The following ZNF385D variants were observed in gnomAD, a reference collection of about 807,000 sequenced individuals.
ZNF385D encodes zinc finger protein 385D, also known as zinc finger protein 659.
In ZNF385D, 15 loss-of-function variants were observed where a neutral mutation model predicts 35.8. That is an observed-to-expected ratio of 0.42 (90% CI 0.28 to 0.64). The LOEUF is 0.64. ZNF385D is among the 30% of genes least tolerant of loss of function. ZNF385D has a pLI of 0.23. For synonymous variants in ZNF385D, 212 were observed against 186.8 expected, an observed-to-expected ratio of 1.13 and a Z score of -1.10; for missense variants, 474 against 494.6, an observed-to-expected ratio of 0.96 and a Z score of 0.39.
At chr3:21,875,253 T>A (rs76684440) in intron 3 of ZNF385D, among the ~76,000 whole-genome samples, 229 of 151,886 alleles carry the variant, frequency 1.5e-3, no homozygotes, top group South Asian at 0.012. Context: ...TTCTTTTTTT[T>A]AACCTAATTT....
At chr3:21,427,896 A>G (rs1701093345) in intron 5 of ZNF385D, among the ~76,000 whole-genome samples, 1 of 152,096 alleles carries the variant, frequency 6.6e-6, no homozygotes, top group East Asian at 1.9e-4. Flanking sequence ...ATGCACACAC[A>G]CACAGGTATA....
At chr3:21,792,979 C>T (rs2071992006) in intron 3 of ZNF385D, among the ~76,000 whole-genome samples, 1 of 152,134 alleles carries the variant, frequency 6.6e-6, no homozygotes, top group Admixed American at 6.5e-5. Context: ...AATGTGCCTA[C>T]ATAATGCAAA....
rs1215771490 is a variant in ZNF385D, at chr3:21,418,106, A to C, written c.*3108T>G. 6.6e-6 allele frequency: 1 copy of C among 152,162 alleles called. No homozygotes were observed. The highest frequency in any genetic ancestry group is 1.5e-5 in the Non-Finnish European group (1 of 68,004). The allele number at this position is 152,162 out of a possible 1,614,324, so 9.4% of individuals were successfully genotyped here. On this transcript the variant is annotated 3_prime_UTR_variant, in exon 8 of 8. Transcript: ENST00000281523. ...CTGGACGATCTGATTGAGGTGCAAC[A>C]ATGCTTTTTCCAGAGGCATTTGGCT... is the stretch of plus-strand genomic sequence containing the variant.
intron 2 of ZNF385D, among the ~76,000 whole-genome samples, chr3:22,345,826 G>A (rs1401820927): frequency 2.6e-5 from 4 of 152,084 alleles, no homozygotes; most frequent in Non-Finnish European, 4.4e-5. Flanking sequence ...CTCAGATCTC[G>A]CAGTCTGCAT....
chr3:22,044,645 T>C (rs1216589518), intron 3 of ZNF385D, among the ~76,000 whole-genome samples: 1 of 152,016 alleles, frequency 6.6e-6, no homozygotes, highest in Non-Finnish European at 1.5e-5. Flanking sequence ...AGTTATGAAA[T>C]GGGATACAGG....
At chr3:22,231,579 T>G (rs968262348) in intron 2 of ZNF385D, among the ~76,000 whole-genome samples, 3 of 152,070 alleles carry the variant, frequency 2.0e-5, no homozygotes, top group African/African-American at 7.2e-5. Flanking sequence ...GGTCTCTGCT[T>G]GAACAACACA....
intron 2 of ZNF385D, among the ~76,000 whole-genome samples, chr3:22,199,796 A>G (rs1696660792): frequency 6.6e-6 from 1 of 152,168 alleles, no homozygotes; most frequent in South Asian, 2.1e-4. Flanking sequence ...TACCCAGTCA[A>G]CAAAATATAT....
chr3:22,103,177 G>A (rs1454539489), intron 3 of ZNF385D, among the ~76,000 whole-genome samples: 1 of 150,252 alleles, frequency 6.7e-6, no homozygotes, highest in Non-Finnish European at 1.5e-5. Context: ...AAACCTCTCT[G>A]ATCACTGCGA....
chr3:21,438,313 C>G (rs947011839), intron 4 of ZNF385D, among the ~76,000 whole-genome samples: 142 of 152,180 alleles, frequency 9.3e-4, no homozygotes, highest in African/African-American at 3.1e-3. Context: ...TTGAAGCTGT[C>G]TCTCATTCCA....
At chr3:22,097,373 G>C (rs1309560617) in intron 3 of ZNF385D, among the ~76,000 whole-genome samples, 1 of 152,006 alleles carries the variant, frequency 6.6e-6, no homozygotes, top group African/African-American at 2.4e-5. Flanking sequence ...AGGGCTTTGA[G>C]GGGAGTATTA....
chr3:22,061,627 C>T (rs1392840876), intron 3 of ZNF385D, among the ~76,000 whole-genome samples: 1 of 152,184 alleles, frequency 6.6e-6, no homozygotes, highest in Admixed American at 6.5e-5. Context: ...TTGTCACTCT[C>T]TTTCAACAGT....
At chr3:22,301,282 G>A (rs1702887371) in intron 2 of ZNF385D, among the ~76,000 whole-genome samples, 1 of 151,984 alleles carries the variant, frequency 6.6e-6, no homozygotes. Context: ...TTGGAGTTTG[G>A]GGTGGAGCCA....
chr3:21,450,323 T>C (rs1283091555), intron 4 of ZNF385D, among the ~76,000 whole-genome samples: 1 of 152,174 alleles, frequency 6.6e-6, no homozygotes, highest in Non-Finnish European at 1.5e-5. Flanking sequence ...CCTCCTCTTT[T>C]CTTCAAATTG....
intron 2 of ZNF385D, among the ~76,000 whole-genome samples, chr3:22,344,868 T>A (rs982375447): frequency 2.6e-5 from 4 of 152,196 alleles, no homozygotes; most frequent in African/African-American, 9.7e-5. Flanking sequence ...CCAACTAAAC[T>A]ATTTAAACTT....
At chr3:21,471,270 C>T (rs1223675148) in intron 4 of ZNF385D, among the ~76,000 whole-genome samples, 17 of 109,074 alleles carry the variant, frequency 1.6e-4, no homozygotes, top group Non-Finnish European at 2.2e-4. Context: ...CTCTCTCTCT[C>T]TCTTTCTCTC....
At chr3:21,904,147 C>T (rs146546602) in intron 3 of ZNF385D, among the ~76,000 whole-genome samples, 2 of 151,488 alleles carry the variant, frequency 1.3e-5, no homozygotes, top group Non-Finnish European at 3.0e-5. Flanking sequence ...CTACTAAAAA[C>T]ACAAAAATTA....
At chr3:21,426,741 A>G (rs1033975430) in intron 5 of ZNF385D, among the ~76,000 whole-genome samples, 2 of 152,202 alleles carry the variant, frequency 1.3e-5, no homozygotes, top group African/African-American at 4.8e-5. Flanking sequence ...CCAGCTTCCC[A>G]GAACCACTAA....
chr3:22,127,868 G>T (rs538037621), intron 3 of ZNF385D, among the ~76,000 whole-genome samples: 1 of 152,166 alleles, frequency 6.6e-6, no homozygotes, highest in African/African-American at 2.4e-5. Context: ...TTTAAAAGTT[G>T]TAGTTATTAT....
rs1282625814 is a variant in ZNF385D, at chr3:21,907,779, A to C, written c.326-242751T>G. 3.9e-5 allele frequency among the ~76,000 whole-genome samples: 6 copies of C among 152,224 alleles called. No homozygotes were observed. The East Asian group carries it at 1.2e-3, about 29-fold the overall frequency. On this transcript the variant is annotated intron_variant, in intron 3 of 5. Coordinates refer to the ZNF385D transcript ENST00000494108. ...TAGAAGAAAGGACAATTTTTCCAGT[A>C]ATAGACAATTTTACTACAGATTGTT...
Sources: allele counts gnomAD v4.1 joint callset (sites outside exome capture counted in the v4.1 genomes callset), GRCh38; gene constraint gnomAD v4.1.1; transcripts MANE v1.5; gene names NCBI Gene and HGNC (gene_info 2026-07-23, HGNC 2026-07-21).